Variants in CACNG8 observed in about 807,000 individuals in gnomAD.
The protein encoded by CACNG8 is voltage-dependent calcium channel gamma-8 subunit.
Under a neutral mutation model 26.9 loss-of-function variants are expected in CACNG8, and 5 were observed. The observed-to-expected ratio is 0.19, with a 90% CI of 0.10 to 0.39. The LOEUF (loss-of-function observed/expected upper bound fraction) is 0.39, where lower values mean the gene tolerates loss of function less well. CACNG8 is among the 10% of genes least tolerant of loss of function. The pLI is 1.00. For synonymous variants in CACNG8, 321 were observed against 296.7 expected, an observed-to-expected ratio of 1.08 and a Z score of -0.84; for missense variants, 473 against 609.4, an observed-to-expected ratio of 0.78 and a Z score of 2.36.
rs1411323471 is a variant in CACNG8 at position 53,982,648 on chromosome 19, C to T, written c.1077C>T (p.Arg359=). Reference sequence around the variant, plus strand: ...GCGGGGCGGGTGCCGAGCGGGACCGCGGGGGGGCGTCCGGCTTCCTCACGC... The same window carrying T: ...GCGGGGCGGGTGCCGAGCGGGACCGTGGGGGGGCGTCCGGCTTCCTCACGC... The change falls in exon 4 of 4, where the codon CGC becomes CGT. Residue 359 remains arginine (R), a synonymous_variant. Transcript: ENST00000270458. This position sits in a 1 kb window ranked among gnomAD's most constrained non-coding sequence, Gnocchi z 8.4. 6.7e-6 allele frequency: 7 copies of T among 1,050,934 alleles called. No homozygotes were observed. Among genetic ancestry groups the T allele is most frequent in the Non-Finnish European group, 8.0e-6 (7 of 874,474 alleles). 65.1% of individuals were successfully genotyped at this position (1,050,934 alleles called of 1,614,324 possible).
At position 53,963,510 on chromosome 19, in the gene CACNG8, C is replaced by G. The variant is rs547724210; in HGVS notation, c.283+85C>G. 3 of 1,343,598 alleles carry G rather than the reference C, an allele frequency of 2.2e-6. No homozygotes were observed. The South Asian group carries it at 4.8e-5, about 22-fold the overall frequency. The allele number at this position is 1,343,598 out of a possible 1,614,324, so 83.2% of individuals were successfully genotyped here. A position where few individuals can be genotyped will look rare whatever the true frequency, so the allele number is the denominator to read the frequency against. ...CTCCCGGGGCTGCCTGTCCCTGATC[C>G]TGGGGCCCCCTTGGGCACCCCTCCT... On this transcript the variant is annotated intron_variant, in intron 1 of 3. Coordinates refer to ENST00000270458, the MANE Select transcript of CACNG8 (RefSeq NM_031895.6).
Position 53,982,095 on chromosome 19 carries a change from T to TC in CACNG8, c.525dup (p.Gly176ArgfsTer102). The TC allele has an allele frequency of 6.3e-7, 1 of 1,589,622 alleles. No homozygotes were observed. Among genetic ancestry groups the TC allele is most frequent in the Non-Finnish European group, 8.6e-7 (1 of 1,168,420 alleles). ...CCCCGCCCAGGCCTGAGCAACATCA[T>TC]CGGCGTGATCGTGTACATCTCCGCC... On this transcript the variant is annotated frameshift_variant, in exon 4 of 4. Transcript: ENST00000270458. LOFTEE classifies it high-confidence loss of function. This position sits in a 1 kb window ranked among gnomAD's most constrained non-coding sequence, Gnocchi z 8.4.
At chr19:53,969,452 TCTCACCAC>T in intron 1 of CACNG8, among the ~76,000 whole-genome samples, 1 of 150,236 alleles carries the variant, frequency 6.7e-6, no homozygotes. Context: ...TAGAGATGGG[TCTCACCAC>T]ATTGCCCAGC....
intron 1 of CACNG8, among the ~76,000 whole-genome samples, chr19:53,977,893 T>C (rs1264643081): frequency 6.6e-6 from 1 of 152,130 alleles, no homozygotes; most frequent in Non-Finnish European, 1.5e-5. Flanking sequence ...TTGCAGTGAG[T>C]GCTGCAAGGA....
rs750352883 is a variant in CACNG8 at position 53,982,386 on chromosome 19, G to A, written c.815G>A (p.Arg272His). The A allele has an allele frequency of 8.5e-6, 13 of 1,528,784 alleles. No homozygotes were observed. Among genetic ancestry groups the A allele is most frequent in the Non-Finnish European group, 2.6e-6 (3 of 1,143,744 alleles). 94.7% of individuals were successfully genotyped at this position (1,528,784 alleles called of 1,614,324 possible). ...CCCAGTTACCGCTTCCGCTACCGCCGCCGCTCCCGCTCTAGCTCCCGCTCC... is the reference window on the plus strand; with the variant it reads ...CCCAGTTACCGCTTCCGCTACCGCCACCGCTCCCGCTCTAGCTCCCGCTCC... The change falls in exon 4 of 4, where the codon CGC becomes CAC. Residue 272 changes from arginine (R) to histidine (H), a missense_variant. Transcript: ENST00000270458. This position sits in a 1 kb window ranked among gnomAD's most constrained non-coding sequence, Gnocchi z 8.4.
rs1396399608 is a variant in CACNG8 at position 53,982,058 on chromosome 19, C to T, written c.509-22C>T. 1 of 1,532,832 alleles carries T rather than the reference C, an allele frequency of 6.5e-7. No homozygotes were observed. Among genetic ancestry groups the T allele is most frequent in the South Asian group, 1.2e-5 (1 of 82,094 alleles). The allele number at this position is 1,532,832 out of a possible 1,614,324, so 95.0% of individuals were successfully genotyped here. The stretch of plus-strand genomic sequence containing the variant: ...GGGGCCGGGGGTGGCCTCGAGGCTC[C>T]CGTCTGACCGTCCCCGCCCAGGCCT... On this transcript the variant is annotated intron_variant, in intron 3 of 3. Transcript: ENST00000270458. This position sits in a 1 kb window ranked among gnomAD's most constrained non-coding sequence, Gnocchi z 8.4.
rs923237410 is a variant in CACNG8 at position 53,982,380 on chromosome 19, A to C, written c.809A>C (p.Tyr270Ser). The C allele has an allele frequency of 3.3e-6, 5 of 1,526,812 alleles. No homozygotes were observed. Among genetic ancestry groups the C allele is most frequent in the East Asian group, 2.5e-5 (1 of 39,582 alleles). The allele number at this position is 1,526,812 out of a possible 1,614,324, so 94.6% of individuals were successfully genotyped here. Residue 270 changes from tyrosine to serine, a missense_variant, in exon 4 of 4, where the codon TAC becomes TCC. Transcript: ENST00000270458. This position sits in a 1 kb window ranked among gnomAD's most constrained non-coding sequence, Gnocchi z 8.4. ...CGTCTGCCCAGTTACCGCTTCCGCT[A>C]CCGCCGCCGCTCCCGCTCTAGCTCC...
Position 53,982,553 on chromosome 19 carries a change from G to A in CACNG8, c.982G>A (p.Gly328Ser). Residue 328 changes from glycine to serine, a missense_variant, in exon 4 of 4, where the codon GGC (glycine) becomes AGC (serine). By Grantham distance (56) the Gly-to-Ser change is moderately conservative (BLOSUM62 0). Around this residue, in one of 6 missense-constraint regions of CACNG8, gnomAD observed 212 missense variants for 214.4 expected, o/e 0.99. Coordinates refer to ENST00000270458, the MANE Select transcript of CACNG8 (RefSeq NM_031895.6). The surrounding 1 kb of genome is among the most constrained non-coding windows in gnomAD (Gnocchi z 8.4). ...CGCGGGGCTGGCGGGGGCCGGCGGC[G>A]GCGGCGGCGGCGCCGTGGGGGCGTT... 8.5e-7 allele frequency: 1 copy of A among 1,180,792 alleles called. No individual in the cohort carries two copies. The highest frequency in any genetic ancestry group is 1.0e-6 in the Non-Finnish European group (1 of 956,596). 73.1% of individuals were successfully genotyped at this position (1,180,792 alleles called of 1,614,324 possible). A position where few individuals can be genotyped will look rare whatever the true frequency, so the allele number is the denominator to read the frequency against.
intron 1 of CACNG8, among the ~76,000 whole-genome samples, chr19:53,974,521 G>C (rs1368637697): frequency 6.6e-6 from 1 of 152,064 alleles, no homozygotes; most frequent in East Asian, 1.9e-4. Context: ...TAGTTTTTGA[G>C]GAACCTCGAC....
intron 1 of CACNG8, among the ~76,000 whole-genome samples, chr19:53,964,997 C>T (rs569459953): frequency 1.3e-5 from 2 of 152,274 alleles, no homozygotes; most frequent in East Asian, 3.9e-4. Flanking sequence ...GTGTTCACGA[C>T]AAGCCGGGAA....
At chr19:53,972,311 T>G (rs958581220) in intron 1 of CACNG8, among the ~76,000 whole-genome samples, 8 of 150,758 alleles carry the variant, frequency 5.3e-5, no homozygotes, top group African/African-American at 1.7e-4. Context: ...TGCCTTTCTT[T>G]CTTGCTTGCT....
At chr19:53,981,568 C>T (rs1375177588) in intron 3 of CACNG8, among the ~76,000 whole-genome samples, 1 of 150,942 alleles carries the variant, frequency 6.6e-6, no homozygotes, top group Non-Finnish European at 1.5e-5. Context: ...CTGGGTTAGA[C>T]CGGCAGAGGT....
At chr19:53,976,926 G>A (rs1346741908) in intron 1 of CACNG8, among the ~76,000 whole-genome samples, 2 of 152,166 alleles carry the variant, frequency 1.3e-5, no homozygotes, top group Admixed American at 1.3e-4. Context: ...ACCCGCCTTG[G>A]CCTCCCAAAG....
chr19:53,971,680 C>T (rs1298217605), intron 1 of CACNG8, among the ~76,000 whole-genome samples: 1 of 152,194 alleles, frequency 6.6e-6, no homozygotes, highest in Non-Finnish European at 1.5e-5. Context: ...AGCACTTTGC[C>T]CTGCTTATTA....
chr19:53,978,091 CCCGCCCCCAACCCTGAAGTAT>C (rs2069340667), intron 1 of CACNG8, 34 bp from the exon 2 acceptor site: 1 of 1,254,486 alleles, frequency 8.0e-7, no homozygotes, highest in South Asian at 1.2e-5. Flanking sequence ...GTGGGGTTGC[CCCGCCCCCAACCCTGAAGTAT>C]CCGCCCCCAC....
chr19:53,977,527 T>A (rs1055082812), intron 1 of CACNG8, among the ~76,000 whole-genome samples: 1 of 152,114 alleles, frequency 6.6e-6, no homozygotes, highest in Non-Finnish European at 1.5e-5. Context: ...TTGCTTCAAC[T>A]ACTCCATTTC....
In CACNG8 at chr19:53,987,510, T is replaced by C. The variant is rs1358901931; in HGVS notation, c.*4661T>C. Reference sequence around the variant, plus strand: ...CTGGAGGCCTGGACCAAGGTGGAGTTAGTGGGATGGAGGAAGTGGAAGAAG... The same window carrying C: ...CTGGAGGCCTGGACCAAGGTGGAGTCAGTGGGATGGAGGAAGTGGAAGAAG... On this transcript the variant is annotated 3_prime_UTR_variant, in exon 4 of 4. Coordinates refer to ENST00000270458, the MANE Select transcript of CACNG8 (RefSeq NM_031895.6). 6.5e-6 allele frequency: 1 copy of C among 152,678 alleles called. No homozygotes were observed. Among genetic ancestry groups the C allele is most frequent in the Non-Finnish European group, 1.5e-5 (1 of 68,122 alleles). The allele number at this position is 152,678 out of a possible 1,614,324, so 9.5% of individuals were successfully genotyped here. A position where few individuals can be genotyped will look rare whatever the true frequency, so the allele number is the denominator to read the frequency against.
chr19:53,964,954 T>G (rs897975389), intron 1 of CACNG8, among the ~76,000 whole-genome samples: 1 of 152,170 alleles, frequency 6.6e-6, no homozygotes, highest in Non-Finnish European at 1.5e-5. Context: ...TCCCCCTCTA[T>G]TTCCTCTGCC....
intron 2 of CACNG8, among the ~76,000 whole-genome samples, chr19:53,978,721 G>A (rs1202923267): frequency 1.7e-5 from 2 of 119,730 alleles, no homozygotes; most frequent in Non-Finnish European, 3.4e-5. Context: ...GTTGCCTGGG[G>A]TTTTAGGGGT....
Sources: allele counts gnomAD v4.1 joint callset (sites outside exome capture counted in the v4.1 genomes callset), GRCh38; gene constraint gnomAD v4.1.1; regional missense constraint gnomAD v4.1.1; non-coding constraint Gnocchi (gnomAD v3.1); transcripts MANE v1.5; gene names NCBI Gene and HGNC (gene_info 2026-07-23, HGNC 2026-07-21).